SPOCK1: variants seen among roughly 807,000 people sequenced by gnomAD.
The protein encoded by SPOCK1 is testican-1.
Under a neutral mutation model 55.3 loss-of-function variants are expected in SPOCK1, and 23 were observed. That is an observed-to-expected ratio of 0.42 (90% confidence interval 0.30 to 0.59). The LOEUF (loss-of-function observed/expected upper bound fraction) is 0.59. SPOCK1 is among the 20% of genes least tolerant of loss of function. The pLI is 0.22. For synonymous variants in SPOCK1, 226 were observed against 221.0 expected (o/e 1.02, Z -0.20); for missense variants, 499 against 552.5 (o/e 0.90, Z 0.97).
chr5:137,264,993 G>A (rs1756818917), intron 3 of SPOCK1, among the ~76,000 whole-genome samples: 1 of 152,124 alleles, frequency 6.6e-6, no homozygotes, highest in African/African-American at 2.4e-5. Context: ...TTTCTGGGAG[G>A]GTTAATCTGA....
Position 137,132,018 on chromosome 5 carries a change from AT to A in SPOCK1, c.347+8561del, listed in dbSNP as rs1437136838. 2.6e-4 allele frequency among the ~76,000 whole-genome samples: 26 copies of A among 100,002 alleles called. 1 individual carries two copies. The East Asian group carries it at 3.8e-3, about 15-fold the overall frequency. 65.6% of individuals were successfully genotyped at this position (100,002 alleles called of 152,430 possible). ...TATATATATATATATATATATATAT[AT>A]AAAAAATTAGCTGGGCATGGTGGCA... On this transcript the variant is annotated intron_variant, in intron 4 of 10. Transcript: ENST00000394945.
intron 3 of SPOCK1, among the ~76,000 whole-genome samples, chr5:137,142,092 G>T (rs1328769710): frequency 2.0e-5 from 3 of 152,162 alleles, no homozygotes; most frequent in Non-Finnish European, 4.4e-5. Context: ...TTTCATAACT[G>T]CTCTCCACAG....
intron 2 of SPOCK1, among the ~76,000 whole-genome samples, chr5:137,383,320 C>T (rs1287927510): frequency 6.6e-6 from 1 of 152,162 alleles, no homozygotes; most frequent in Non-Finnish European, 1.5e-5. Context: ...TGCCCTTCCC[C>T]TCCCCACATC....
At chr5:137,000,119 G>A (rs745564604) in intron 6 of SPOCK1, among the ~76,000 whole-genome samples, 3 of 152,158 alleles carry the variant, frequency 2.0e-5, no homozygotes, top group Non-Finnish European at 4.4e-5. Context: ...GGAGTTGGGC[G>A]AGACTCAAGT....
rs563331004 is a variant in SPOCK1, at chr5:137,408,960, G to A, written c.186+89413C>T. 3.1e-4 allele frequency among the ~76,000 whole-genome samples: 47 copies of A among 152,266 alleles called. 1 individual carries two copies. The South Asian group carries it at 9.8e-3, about 32-fold the overall frequency. ...AAGACAGCCCTCAGCACTGTGCCTA[G>A]TGCTCAATTTATGTTTCACGAAGGT... On this transcript the variant is annotated intron_variant, in intron 2 of 10. Coordinates refer to ENST00000394945, the MANE Select transcript of SPOCK1 (RefSeq NM_004598.4).
rs537273949 is a variant in SPOCK1 at position 137,442,271 on chromosome 5, C to T, written c.186+56102G>A. The stretch of plus-strand genomic sequence containing the variant: ...CGAGTCTTCAAGAACAATCATAGTT[C>T]GGGGACGGGGGAGCGGGGGGAAGAT... On this transcript the variant is annotated intron_variant, in intron 2 of 10. Transcript: ENST00000394945. Among the ~76,000 whole-genome samples the T allele has an allele frequency of 6.6e-5, 10 of 152,172 alleles. No individual in the cohort carries two copies. In the East Asian group the frequency reaches 7.7e-4, roughly 12 times the overall value.
intron 2 of SPOCK1, among the ~76,000 whole-genome samples, chr5:137,455,870 A>ATAAATTAGCTGG (rs1249994354): frequency 6.6e-6 from 1 of 152,024 alleles, no homozygotes; most frequent in African/African-American, 2.4e-5. Context: ...CTCTGCAAAA[A>ATAAATTAGCTGG]GTAGAAATAA....
chr5:137,488,705 T>G (rs1219619985), intron 2 of SPOCK1, among the ~76,000 whole-genome samples: 1 of 152,192 alleles, frequency 6.6e-6, no homozygotes, highest in Non-Finnish European at 1.5e-5. Flanking sequence ...CATGTTTTAT[T>G]TGGGCAAAGA....
chr5:137,066,887 A>G (rs1752513162), intron 6 of SPOCK1, among the ~76,000 whole-genome samples: 1 of 152,034 alleles, frequency 6.6e-6, no homozygotes, highest in Non-Finnish European at 1.5e-5. Context: ...GCTTATAAAG[A>G]GCCAGATAGA....
In SPOCK1 at chr5:136,978,139, A is replaced by C; in HGVS notation, c.*515T>G. The C allele has an allele frequency of 2.6e-6, 1 of 390,462 alleles. No homozygotes were observed. The allele number at this position is 390,462 out of a possible 1,614,324, so 24.2% of individuals were successfully genotyped here. On this transcript the variant is annotated 3_prime_UTR_variant, in exon 11 of 11. Transcript: ENST00000394945. ...ATGATGTGAAAAAAACTAATTTTTAATAATAATCACCGGCAGTAACGGGGG... is the reference window on the plus strand; with the variant it reads ...ATGATGTGAAAAAAACTAATTTTTACTAATAATCACCGGCAGTAACGGGGG...
chr5:137,415,234 A>T (rs973146404), intron 2 of SPOCK1, among the ~76,000 whole-genome samples: 1 of 152,254 alleles, frequency 6.6e-6, no homozygotes, highest in Non-Finnish European at 1.5e-5. Context: ...ATATAGTTTG[A>T]GATTCCGATC....
At chr5:137,001,171 G>A (rs887447144) in intron 6 of SPOCK1, among the ~76,000 whole-genome samples, 5 of 152,106 alleles carry the variant, frequency 3.3e-5, no homozygotes, top group East Asian at 1.9e-4. Flanking sequence ...TTAGGACCAC[G>A]AGGAGAATGA....
rs544006376 is a variant in SPOCK1, at chr5:137,479,583, C to T, written c.186+18790G>A. ...ACCTGGCTCTCAAAAATGGCATCTC[C>T]TCTAAGAAGATGCACTGAATTGCTA... On this transcript the variant is annotated intron_variant, in intron 2 of 10. Transcript: ENST00000394945. Among the ~76,000 whole-genome samples the T allele has an allele frequency of 6.6e-5, 10 of 152,306 alleles. No homozygotes were observed. The South Asian group carries it at 1.9e-3, about 28-fold the overall frequency.
intron 4 of SPOCK1, among the ~76,000 whole-genome samples, chr5:137,131,784 A>G (rs2127045075): frequency 6.6e-6 from 1 of 150,772 alleles, no homozygotes; most frequent in East Asian, 2.0e-4. Flanking sequence ...CATCCTGGCT[A>G]ACAGGGTGAA....
At chr5:137,238,357 T>C (rs2127098472) in intron 3 of SPOCK1, among the ~76,000 whole-genome samples, 1 of 152,346 alleles carries the variant, frequency 6.6e-6, no homozygotes, top group Non-Finnish European at 1.5e-5. Context: ...ACTTGTTCCT[T>C]TATGCTAAAC....
intron 2 of SPOCK1, among the ~76,000 whole-genome samples, chr5:137,355,349 C>A (rs1161306779): frequency 6.6e-6 from 1 of 152,176 alleles, no homozygotes; most frequent in Non-Finnish European, 1.5e-5. Flanking sequence ...TGTGCCACTA[C>A]ACCCAGCTAA....
rs767475840 is a variant in SPOCK1, at chr5:137,498,364, G to A, written c.186+9C>T. ...GCGCCCCCCAGGGCCGGGTGGCGCC[G>A]GTACTCACGTCTCGAAAGCGGTTCC... On this transcript the variant is annotated intron_variant, in intron 2 of 10. Coordinates refer to ENST00000394945, the MANE Select transcript of SPOCK1 (RefSeq NM_004598.4). 1.3e-5 allele frequency: 21 copies of A among 1,580,962 alleles called. No individual in the cohort carries two copies. The highest frequency in any genetic ancestry group is 1.8e-5 in the Non-Finnish European group (21 of 1,163,884).
intron 2 of SPOCK1, among the ~76,000 whole-genome samples, chr5:137,303,812 G>A (rs1183428489): frequency 6.6e-6 from 1 of 152,208 alleles, no homozygotes; most frequent in South Asian, 2.1e-4. Context: ...CAGAGAAGGC[G>A]TGTGACGCCT....
At chr5:137,308,525 GC>G (rs745887515) in intron 2 of SPOCK1, among the ~76,000 whole-genome samples, 27 of 152,126 alleles carry the variant, frequency 1.8e-4, no homozygotes, top group Non-Finnish European at 2.9e-4. Flanking sequence ...CTCTTCCAGG[GC>G]CCCGGTTCCA....
Sources: gnomAD v4.1 joint callset for allele counts (sites outside exome capture counted in the v4.1 genomes callset) on GRCh38, gnomAD v4.1.1 for gene constraint, MANE v1.5 for transcripts, NCBI Gene and HGNC (gene_info 2026-07-23, HGNC 2026-07-21) for gene names.